Variants in CWC27 observed in about 807,000 individuals in gnomAD.
CWC27 encodes the protein spliceosome-associated protein CWC27 homolog.
A neutral mutation model predicts 63.6 loss-of-function variants in CWC27; 47 were observed. That is an observed-to-expected ratio of 0.74 (90% CI 0.58 to 0.94). CWC27 has a LOEUF of 0.94. Ranked by LOEUF, CWC27 falls within the 40% of genes least tolerant of loss-of-function variation. The pLI is 0.00. For synonymous variants in CWC27, 175 were observed against 179.8 expected, an observed-to-expected ratio of 0.97 and a Z score of 0.22; for missense variants, 495 against 554.3, an observed-to-expected ratio of 0.89 and a Z score of 1.07.
intron 1 of CWC27, among the ~76,000 whole-genome samples, chr5:64,771,725 A>G (rs974801351): frequency 6.6e-6 from 1 of 152,186 alleles, no homozygotes; most frequent in Non-Finnish European, 1.5e-5. Context: ...TTATCAAGGT[A>G]TTAATTGGGA....
intron 11 of CWC27, among the ~76,000 whole-genome samples, chr5:64,944,929 T>C (rs1748558891): frequency 1.3e-5 from 2 of 152,190 alleles, no homozygotes; most frequent in Admixed American, 1.3e-4. Context: ...TAGTAGACTC[T>C]ATAAAATCTG....
intron 11 of CWC27, among the ~76,000 whole-genome samples, chr5:64,912,564 G>A (rs1747813281): frequency 6.6e-6 from 1 of 152,056 alleles, no homozygotes; most frequent in Non-Finnish European, 1.5e-5. Flanking sequence ...AAAAAAAAAT[G>A]CATGTAGTGT....
rs549131995 is a variant in CWC27, at chr5:64,958,103, T to A, written c.1043-13600T>A. Among the ~76,000 whole-genome samples, 214 of 152,200 alleles carry A rather than the reference T, an allele frequency of 1.4e-3. 8 individuals carry two copies. In the South Asian group the frequency reaches 0.042, roughly 30 times the overall value. On this transcript the variant is annotated intron_variant, in intron 11 of 13. Transcript: ENST00000381070. ...AGGGCTTTAAAACAGGTTTTTTTTT[T>A]AATTTCCGACATCTTAAGGGAAAAT...
chr5:64,799,099 T>C (rs1347702025), intron 7 of CWC27, among the ~76,000 whole-genome samples: 2 of 152,226 alleles, frequency 1.3e-5, no homozygotes, highest in African/African-American at 4.8e-5. Context: ...ATGGGTACTA[T>C]TGTCAGACAG....
At chr5:64,777,069 A>G (rs1177979605) in intron 2 of CWC27, among the ~76,000 whole-genome samples, 2 of 152,126 alleles carry the variant, frequency 1.3e-5, no homozygotes, top group Non-Finnish European at 2.9e-5. Flanking sequence ...TGATAATTTC[A>G]TTAGTTCCTC....
chr5:64,917,199 G>T (rs1412781975), intron 11 of CWC27, among the ~76,000 whole-genome samples: 1 of 152,048 alleles, frequency 6.6e-6, no homozygotes, highest in Non-Finnish European at 1.5e-5. Context: ...CTCTTCCCCT[G>T]CATTTTCACT....
chr5:64,868,735 A>G (rs1485767268), intron 10 of CWC27, among the ~76,000 whole-genome samples: 2 of 152,052 alleles, frequency 1.3e-5, no homozygotes, highest in African/African-American at 4.8e-5. Flanking sequence ...TCATATAGCC[A>G]ATAAAACTTT....
intron 13 of CWC27, among the ~76,000 whole-genome samples, chr5:64,992,126 T>G (rs369445076): frequency 7.2e-5 from 11 of 152,344 alleles, no homozygotes; most frequent in African/African-American, 2.6e-4. Context: ...CAGACACTGC[T>G]AGGACCTTTA....
At chr5:64,899,152 A>T (rs1490723904) in intron 11 of CWC27, among the ~76,000 whole-genome samples, 1 of 152,170 alleles carries the variant, frequency 6.6e-6, no homozygotes, top group Non-Finnish European at 1.5e-5. Flanking sequence ...AAATTACTAG[A>T]TTCTGTTATA....
At chr5:64,845,106 GTCTA>G (rs1393894947) in intron 10 of CWC27, 9 of 441,804 alleles carry the variant, frequency 2.0e-5, no homozygotes, top group Non-Finnish European at 4.1e-5. Flanking sequence ...AGACAGTGGA[GTCTA>G]TCCAGCAGCC....
rs74396264 is a variant in CWC27 at position 64,991,133 on chromosome 5, A to T, written c.1256+13895A>T. ...TAAATTATGAACTGCTTTCACAGTC[A>T]TTGGCAAGAAACCTTGCATTCACTT... On this transcript the variant is annotated intron_variant, in intron 13 of 13. Transcript: ENST00000381070. Among the ~76,000 whole-genome samples the T allele has an allele frequency of 1.1e-3, 172 of 152,350 alleles. 1 individual carries two copies. The highest frequency in any genetic ancestry group is 2.0e-3 in the Non-Finnish European group (133 of 68,032).
chr5:64,795,554 C>T (rs1038798108), intron 7 of CWC27, among the ~76,000 whole-genome samples: 6 of 152,048 alleles, frequency 3.9e-5, no homozygotes, highest in African/African-American at 2.4e-5. Context: ...TAGAGACTGC[C>T]TGTATTCTTT....
intron 11 of CWC27, among the ~76,000 whole-genome samples, chr5:64,941,091 C>T (rs1198773836): frequency 1.3e-5 from 2 of 151,920 alleles, no homozygotes; most frequent in Non-Finnish European, 2.9e-5. Flanking sequence ...AGTGATCTGG[C>T]CCATGTTATT....
At chr5:65,002,358 T>C (rs981797847) in intron 13 of CWC27, among the ~76,000 whole-genome samples, 3 of 152,130 alleles carry the variant, frequency 2.0e-5, no homozygotes, top group Admixed American at 1.3e-4. Flanking sequence ...ATTTAGGGTT[T>C]GGTTTGTTTT....
intron 13 of CWC27, among the ~76,000 whole-genome samples, chr5:64,991,702 G>A (rs1181865107): frequency 1.3e-5 from 2 of 152,142 alleles, no homozygotes; most frequent in Non-Finnish European, 2.9e-5. Flanking sequence ...CTCTAGGCTG[G>A]GCAACAGAGA....
intron 11 of CWC27, among the ~76,000 whole-genome samples, chr5:64,917,711 A>G (rs1278932032): frequency 6.6e-6 from 1 of 152,170 alleles, no homozygotes; most frequent in Non-Finnish European, 1.5e-5. Flanking sequence ...GAACTGGGAC[A>G]TTTGTTTCTT....
chr5:64,776,567 C>G (rs1249826349), intron 2 of CWC27, among the ~76,000 whole-genome samples: 1 of 152,028 alleles, frequency 6.6e-6, no homozygotes, highest in Non-Finnish European at 1.5e-5. Flanking sequence ...TAATCAAATT[C>G]ACCAATCCTC....
chr5:64,787,436 A>G (rs1210462020), intron 6 of CWC27, among the ~76,000 whole-genome samples: 2 of 152,180 alleles, frequency 1.3e-5, no homozygotes, highest in African/African-American at 4.8e-5. Flanking sequence ...TAAAATTAAT[A>G]TGTGCTCACT....
intron 13 of CWC27, among the ~76,000 whole-genome samples, chr5:65,012,062 ATTTCT>A (rs1179439480): frequency 1.3e-5 from 2 of 152,144 alleles, no homozygotes. Context: ...CTCTTTTGAA[ATTTCT>A]TTAATGTCCA....
Sources: gnomAD v4.1 joint callset for allele counts (sites outside exome capture counted in the v4.1 genomes callset) on GRCh38, gnomAD v4.1.1 for gene constraint, MANE v1.5 for transcripts, NCBI Gene and HGNC (gene_info 2026-07-23, HGNC 2026-07-21) for gene names.